Variants in SUGCT observed in about 807,000 individuals in gnomAD.
SUGCT encodes succinyl-CoA:glutarate-CoA transferase, also known as succinyl-CoA:glutarate CoA-transferase.
SUGCT carries 41 observed loss-of-function variants against 55.0 expected under a neutral mutation model. That is an observed-to-expected ratio of 0.74 (90% CI 0.58 to 0.97). SUGCT has a LOEUF of 0.97. SUGCT is among the 50% of genes least tolerant of loss of function. The pLI is 0.00. For synonymous variants in SUGCT, 187 were observed against 200.4 expected (o/e 0.93, Z 0.56); for missense variants, 568 against 547.8 (o/e 1.04, Z -0.37).
At chr7:40,822,720 C>T (rs553930446) in intron 13 of SUGCT, among the ~76,000 whole-genome samples, 3 of 152,220 alleles carry the variant, frequency 2.0e-5, no homozygotes, top group African/African-American at 7.2e-5. Flanking sequence ...CTTACTCACA[C>T]GTACACTCAT....
downstream of SUGCT, among the ~76,000 whole-genome samples, chr7:40,865,607 T>G (rs1417957453): frequency 1.3e-5 from 2 of 152,174 alleles, no homozygotes; most frequent in African/African-American, 4.8e-5. Context: ...CCCCAGACGC[T>G]GGAGCCGAAC....
At chr7:40,280,795 CAACTT>C (rs963049886) in intron 8 of SUGCT, among the ~76,000 whole-genome samples, 3 of 152,078 alleles carry the variant, frequency 2.0e-5, no homozygotes, top group African/African-American at 7.2e-5. Flanking sequence ...ATAAAAATGA[CAACTT>C]AATGATTTTA....
the SUGCT span, among the ~76,000 whole-genome samples, chr7:40,883,956 T>A: frequency 3.9e-5 from 6 of 152,302 alleles, no homozygotes; most frequent in African/African-American, 1.4e-4. Flanking sequence ...AGAAACACTC[T>A]GGAGGCAATG....
intron 9 of SUGCT, among the ~76,000 whole-genome samples, chr7:40,330,682 TG>T: frequency 1.3e-5 from 1 of 79,702 alleles, no homozygotes; most frequent in Non-Finnish European, 2.5e-5. Flanking sequence ...CTCTTCTGGA[TG>T]GGGGGGCATT....
At chr7:41,037,058 A>G in the SUGCT span, among the ~76,000 whole-genome samples, 1 of 152,116 alleles carries the variant, frequency 6.6e-6, no homozygotes, top group African/African-American at 2.4e-5. Flanking sequence ...TAATTACCTC[A>G]CTTATAAAAT....
intron 11 of SUGCT, among the ~76,000 whole-genome samples, chr7:40,471,161 A>G (rs1790384173): frequency 6.6e-6 from 1 of 152,098 alleles, no homozygotes; most frequent in Admixed American, 6.5e-5. Context: ...TCTAAAACAC[A>G]GAAATTTGGA....
intron 9 of SUGCT, among the ~76,000 whole-genome samples, chr7:40,406,033 A>G (rs1163425611): frequency 6.6e-6 from 1 of 151,968 alleles, no homozygotes; most frequent in Non-Finnish European, 1.5e-5. Context: ...TCATTCCTTA[A>G]ATCAGCCTCC....
intron 11 of SUGCT, among the ~76,000 whole-genome samples, chr7:40,471,641 C>A (rs1790408147): frequency 1.3e-5 from 2 of 151,978 alleles, no homozygotes; most frequent in Non-Finnish European, 2.9e-5. Flanking sequence ...ATTCAAAACA[C>A]CATTTCAAGA....
At chr7:40,142,696 G>C (rs1486244396) in intron 1 of SUGCT, among the ~76,000 whole-genome samples, 2 of 152,216 alleles carry the variant, frequency 1.3e-5, no homozygotes, top group African/African-American at 2.4e-5. Flanking sequence ...CTCAGACCTT[G>C]CAATGCCTTT....
At chr7:40,341,006 G>A (rs927355015) in intron 9 of SUGCT, among the ~76,000 whole-genome samples, 2 of 152,158 alleles carry the variant, frequency 1.3e-5, no homozygotes, top group Non-Finnish European at 2.9e-5. Context: ...TAAGTAAATT[G>A]CTGAAACTTT....
chr7:40,672,255 T>G lies in SUGCT; in HGVS notation c.1090-77179T>G, dbSNP rs146694639. Among the ~76,000 whole-genome samples, 204 of 152,280 alleles carry G rather than the reference T, an allele frequency of 1.3e-3. 6 individuals carry two copies. The East Asian group carries it at 0.033, about 24-fold the overall frequency. On this transcript the variant is annotated intron_variant, in intron 12 of 13. Coordinates refer to ENST00000335693, the MANE Select transcript of SUGCT (RefSeq NM_001193313.2). The stretch of plus-strand genomic sequence containing the variant: ...GGATCTGGGTTAAGCAAAGAGATCT[T>G]AAGAGTTGACATCAGACCACAGTCT...
At chr7:40,563,232 G>A (rs1405748061) in intron 12 of SUGCT, among the ~76,000 whole-genome samples, 1 of 151,938 alleles carries the variant, frequency 6.6e-6, no homozygotes, top group Non-Finnish European at 1.5e-5. Flanking sequence ...TTCCATCCTC[G>A]GACTTGAAAA....
chr7:40,644,954 G>A (rs1800432974), intron 12 of SUGCT, among the ~76,000 whole-genome samples: 1 of 152,150 alleles, frequency 6.6e-6, no homozygotes, highest in South Asian at 2.1e-4. Context: ...TGTGTCAGGT[G>A]TTCTCCAGTG....
the SUGCT span, among the ~76,000 whole-genome samples, chr7:41,007,823 C>CAAAAAAAAAAAAA: frequency 1.9e-5 from 2 of 104,280 alleles, no homozygotes; most frequent in Non-Finnish European, 3.7e-5. Flanking sequence ...AACTGAAATC[C>CAAAAAAAAAAAAA]AAAAAAAAAA....
intron 12 of SUGCT, among the ~76,000 whole-genome samples, chr7:40,504,810 C>G (rs1370329757): frequency 1.3e-5 from 2 of 152,142 alleles, no homozygotes; most frequent in African/African-American, 2.4e-5. Flanking sequence ...TAATCTTGCT[C>G]AAAATCAATT....
intron 13 of SUGCT, among the ~76,000 whole-genome samples, chr7:40,784,861 T>A (rs1789937462): frequency 6.6e-6 from 1 of 152,158 alleles, no homozygotes; most frequent in African/African-American, 2.4e-5. Flanking sequence ...AATAAGTAAC[T>A]TTACCTACTG....
At chr7:40,253,770 C>T (rs1202331483) in intron 7 of SUGCT, among the ~76,000 whole-genome samples, 1 of 152,228 alleles carries the variant, frequency 6.6e-6, no homozygotes, top group Non-Finnish European at 1.5e-5. Context: ...ATCTGCCTGC[C>T]TCAGCCTCCA....
At chr7:40,677,033 T>C (rs1378127010) in intron 12 of SUGCT, among the ~76,000 whole-genome samples, 1 of 152,082 alleles carries the variant, frequency 6.6e-6, no homozygotes, top group Non-Finnish European at 1.5e-5. Flanking sequence ...GAAACGTATG[T>C]ATGGAAAAAT....
At chr7:40,776,454 T>A (rs1789458613) in intron 13 of SUGCT, among the ~76,000 whole-genome samples, 1 of 152,210 alleles carries the variant, frequency 6.6e-6, no homozygotes, top group African/African-American at 2.4e-5. Context: ...TCTCTTTGAT[T>A]GACATCAAAT....
Sources: gnomAD v4.1 joint callset for allele counts (sites outside exome capture counted in the v4.1 genomes callset) on GRCh38, gnomAD v4.1.1 for gene constraint, MANE v1.5 for transcripts, NCBI Gene and HGNC (gene_info 2026-07-23, HGNC 2026-07-21) for gene names.